SEC14L3: variants seen among roughly 807,000 people sequenced by gnomAD.
SEC14L3 encodes SEC14-like protein 3.
A neutral mutation model predicts 57.4 loss-of-function variants in SEC14L3; 56 were observed. That is an observed-to-expected ratio of 0.97 (90% confidence interval 0.79 to 1.22). The LOEUF is 1.22. SEC14L3 is among the 50% of genes most tolerant of loss of function. The pLI is 0.00. For synonymous variants in SEC14L3, 173 were observed against 194.4 expected (o/e 0.89, Z 0.92); for missense variants, 485 against 511.7 (o/e 0.95, Z 0.50).
exon 13 of SEC14L3, chr22:30,448,725 G>T (rs900471685): frequency 1.7e-5 from 3 of 172,984 alleles, no homozygotes; most frequent in Non-Finnish European, 3.6e-5. Context: ...AAAAAAGAAA[G>T]AAAGAAAGAA....
chr22:30,468,712 T>C lies in SEC14L3; in HGVS notation c.235-16A>G. 1 of 1,613,740 alleles carries C rather than the reference T, an allele frequency of 6.2e-7. No individual in the cohort carries two copies. The highest frequency in any genetic ancestry group is 1.1e-5 in the South Asian group (1 of 91,028). ...TCTGGATCACCTGGGCATGAAAAGA[T>C]GCACAGAACTTGGCATTACACACCT... On this transcript the variant is annotated splice_polypyrimidine_tract_variant and intron_variant, in intron 4 of 11. Transcript: ENST00000215812.
At chr22:30,470,694 A>G in intron 1 of SEC14L3, 112 bp from the exon 2 acceptor site, 1 of 1,543,684 alleles carries the variant, frequency 6.5e-7, no homozygotes. Flanking sequence ...AATGGCCCAC[A>G]TTGATGAAAG....
chr22:30,460,753 G>T (rs374118719), intron 11 of SEC14L3, among the ~76,000 whole-genome samples: 16 of 150,364 alleles, frequency 1.1e-4, no homozygotes, highest in East Asian at 7.9e-4. Context: ...GCTTGAACCC[G>T]GGAGGGGGAG....
downstream of SEC14L3, among the ~76,000 whole-genome samples, chr22:30,454,543 T>TATAATCTATAATAATAA (rs1569224933): frequency 2.6e-5 from 3 of 116,402 alleles, no homozygotes; most frequent in South Asian, 2.4e-4. Flanking sequence ...TATAATAATA[T>TATAATCTATAATAATAA]TATATATAAT....
chr22:30,454,541 TA>T (rs1935047843), downstream of SEC14L3, among the ~76,000 whole-genome samples: 1 of 17,638 alleles, frequency 5.7e-5, no homozygotes, highest in Non-Finnish European at 8.7e-5. Flanking sequence ...TCTATAATAA[TA>T]TTATATATAA....
At chr22:30,469,809 G>A (rs1935541918) in intron 4 of SEC14L3, among the ~76,000 whole-genome samples, 1 of 152,180 alleles carries the variant, frequency 6.6e-6, no homozygotes, top group Non-Finnish European at 1.5e-5. Flanking sequence ...CCATCATTGT[G>A]ATGATTAAAG....
Position 30,459,883 on chromosome 22 carries a change from C to T in SEC14L3, c.*138G>A. 9 of 1,423,024 alleles carry T rather than the reference C, an allele frequency of 6.3e-6. No homozygotes were observed. The highest frequency in any genetic ancestry group is 8.3e-6 in the Non-Finnish European group (9 of 1,083,776). 88.1% of individuals were successfully genotyped at this position (1,423,024 alleles called of 1,614,324 possible). A position where few individuals can be genotyped will look rare whatever the true frequency, so the allele number is the denominator to read the frequency against. On this transcript the variant is annotated 3_prime_UTR_variant, in exon 12 of 12. Transcript: ENST00000215812. Reference sequence around the variant, plus strand: ...GATCTGACCACAGTAGATGAGTTTTCCCCAGGGCATCTCTTTCTGTACTCA... The same window carrying T: ...GATCTGACCACAGTAGATGAGTTTTTCCCAGGGCATCTCTTTCTGTACTCA...
chr22:30,452,623 C>T (rs1390710290), intron 12 of SEC14L3, among the ~76,000 whole-genome samples: 1 of 152,018 alleles, frequency 6.6e-6, no homozygotes, highest in East Asian at 1.9e-4. Context: ...GCCTTGAAGC[C>T]AGCACGGGGA....
chr22:30,452,807 G>A (rs2146084605), intron 12 of SEC14L3, among the ~76,000 whole-genome samples: 1 of 145,764 alleles, frequency 6.9e-6, no homozygotes, highest in Middle Eastern at 3.8e-3. Context: ...TCAACCTTCT[G>A]TGCTCAAGTG....
chr22:30,455,106 AATATTTAATATTTAATATATATT>A (rs1935089885), downstream of SEC14L3, among the ~76,000 whole-genome samples: 2 of 26,754 alleles, frequency 7.5e-5, no homozygotes, highest in Non-Finnish European at 1.1e-4. Flanking sequence ...TAATATATTT[AATATTTAATATTTAATATATATT>A]ATATTTAATA....
chr22:30,461,845 C>T (rs1466536898), intron 9 of SEC14L3, 151 bp from the exon 10 acceptor site: 12 of 1,165,512 alleles, frequency 1.0e-5, no homozygotes, highest in Non-Finnish European at 1.5e-5. Flanking sequence ...ACCCTCCAAA[C>T]TGGGCCAGTG....
In SEC14L3 at chr22:30,451,421, C is replaced by T. The variant is rs577864214; in HGVS notation, c.905-2177G>A. ...TGACAGGTGCTCCAACACCTTGTCC[C>T]CGGCCCCCCCTTACCAAACAAACAT... On this transcript the variant is annotated intron_variant, in intron 12 of 12. Transcript: ENST00000403066. Among the ~76,000 whole-genome samples the T allele has an allele frequency of 7.1e-3, 1,083 of 152,204 alleles. 9 individuals carry two copies. The highest frequency in any genetic ancestry group is 0.011 in the Non-Finnish European group (723 of 68,018).
At chr22:30,469,905 G>A (rs2146126187) in intron 4 of SEC14L3, 114 bp downstream of exon 4, 3 of 749,216 alleles carry the variant, frequency 4.0e-6, no homozygotes, top group East Asian at 2.5e-5. Flanking sequence ...AAAGGAGACT[G>A]CAGGCCTGCG....
At chr22:30,465,009 T>C in intron 7 of SEC14L3, 106 bp from the exon 8 acceptor site, 1 of 1,533,182 alleles carries the variant, frequency 6.5e-7, no homozygotes. Context: ...CTAACCCTGG[T>C]CAATTCCAGT....
chr22:30,464,181 T>C (rs1935347660), intron 8 of SEC14L3, among the ~76,000 whole-genome samples: 1 of 152,202 alleles, frequency 6.6e-6, no homozygotes, highest in Non-Finnish European at 1.5e-5. Context: ...TTGTGACTAC[T>C]CTTTCTGCTC....
intron 8 of SEC14L3, among the ~76,000 whole-genome samples, chr22:30,463,889 T>A (rs1935340450): frequency 1.3e-5 from 2 of 152,184 alleles, no homozygotes; most frequent in African/African-American, 4.8e-5. Context: ...CCACACGATC[T>A]CTCACTATCA....
At chr22:30,455,080 T>TA (rs1569225567), downstream of SEC14L3, among the ~76,000 whole-genome samples, 1 of 79,732 alleles carries the variant, frequency 1.3e-5, no homozygotes. Context: ...ATATAATATA[T>TA]TAAATATTTA....
In SEC14L3 at chr22:30,461,474, T is replaced by G. The variant is rs1281195748; in HGVS notation, c.917A>C (p.Gln306Pro). ...GATGTCCGCACCATCAGATGAGAACTGCCACCTGTCAGGGGGAGGGGGAGG... is the reference window on the plus strand; with the variant it reads ...GATGTCCGCACCATCAGATGAGAACGGCCACCTGTCAGGGGGAGGGGGAGG... ...ILFPGCVLRWQFSSDGADIGF... is the reference protein window; with the variant it reads ...ILFPGCVLRWPFSSDGADIGF... The change falls in exon 11 of 12, where the codon CAG (glutamine) becomes CCG (proline). Residue 306 changes from glutamine (Q) to proline (P), a missense_variant. Coordinates refer to ENST00000215812, the MANE Select transcript of SEC14L3 (RefSeq NM_174975.5). 1 of 1,613,334 alleles carries G rather than the reference T, an allele frequency of 6.2e-7. No homozygotes were observed. Among genetic ancestry groups the G allele is most frequent in the African/African-American group, 1.3e-5 (1 of 74,860 alleles).
chr22:30,454,583 AAT>A (rs562031746), downstream of SEC14L3, among the ~76,000 whole-genome samples: 128 of 105,190 alleles, frequency 1.2e-3, 7 homozygotes, highest in Admixed American at 0.014. Context: ...AATCTATAAT[AAT>A]ATTATTATAT....
Sources: gnomAD v4.1 joint callset for allele counts (sites outside exome capture counted in the v4.1 genomes callset) on GRCh38, gnomAD v4.1.1 for gene constraint, MANE v1.5 for transcripts, NCBI Gene and HGNC (gene_info 2026-07-23, HGNC 2026-07-21) for gene names.